The following FGR variants were observed in gnomAD, a reference collection of about 807,000 sequenced individuals.
FGR encodes FGR proto-oncogene, Src family tyrosine kinase.
A neutral mutation model predicts 63.2 loss-of-function variants in FGR; 26 were observed. The ratio of observed to expected loss-of-function variants is 0.41; its 90% CI spans 0.30 to 0.57. The LOEUF (loss-of-function observed/expected upper bound fraction) is 0.57. FGR is among the 20% of genes least tolerant of loss of function. FGR has a pLI of 0.27. For missense variants in FGR, 511 were observed against 690.8 expected (o/e 0.74, Z 2.92); for synonymous variants, 286 against 277.7 (o/e 1.03, Z -0.30).
At chr1:27,634,718 C>T (rs2090154456) in intron 1 of FGR, among the ~76,000 whole-genome samples, 1 of 152,012 alleles carries the variant, frequency 6.6e-6, no homozygotes, top group Non-Finnish European at 1.5e-5. Flanking sequence ...CCCAGACCGT[C>T]CTGGGGATTC....
At chr1:27,614,639 C>G in intron 10 of FGR, 56 bp from the exon 11 acceptor site, 4 of 1,593,370 alleles carry the variant, frequency 2.5e-6, no homozygotes, top group Non-Finnish European at 3.4e-6. Context: ...AACACCGTGG[C>G]CTGTTTGAGG....
At chr1:27,613,189 C>T (rs1407289649) in intron 12 of FGR, 30 bp downstream of exon 12, 1 of 1,610,512 alleles carries the variant, frequency 6.2e-7, no homozygotes, top group African/African-American at 1.3e-5. Flanking sequence ...GACCATCCCC[C>T]ACCCCAGCCC....
intron 1 of FGR, among the ~76,000 whole-genome samples, chr1:27,634,435 G>A (rs2090150237): frequency 6.6e-6 from 1 of 152,196 alleles, no homozygotes; most frequent in South Asian, 2.1e-4. Context: ...GGCGGGCCGA[G>A]AGGGTCGCGG....
At chr1:27,630,390 G>T (rs2148532168) in intron 1 of FGR, among the ~76,000 whole-genome samples, 1 of 152,260 alleles carries the variant, frequency 6.6e-6, no homozygotes, top group East Asian at 1.9e-4. Context: ...GCTATCATTA[G>T]TGTTAGTGTA....
At chr1:27,634,627 A>G (rs1173949045) in intron 1 of FGR, among the ~76,000 whole-genome samples, 1 of 104,570 alleles carries the variant, frequency 9.6e-6, no homozygotes, top group Non-Finnish European at 2.1e-5. Flanking sequence ...CAGCACCCCC[A>G]CCCATTTCCC....
rs1557735102 is a variant in FGR at position 27,623,104 on chromosome 1, C to T, written c.267G>A (p.Glu89=). Residue 89 remains glutamate, a synonymous_variant, in exon 4 of 13, where the codon GAG becomes GAA. Transcript: ENST00000374005. The part of the protein sequence containing the change: ...VTLFIALYDY[E]ARTEDDLTFT... ...AGGTGAGGTCATCCTCAGTTCGAGC[C>T]TCATAGTCATACAGGGCAATGAACA... The T allele has an allele frequency of 6.2e-7, 1 of 1,614,154 alleles. No homozygotes were observed. Among genetic ancestry groups the T allele is most frequent in the South Asian group, 1.1e-5 (1 of 91,084 alleles).
intron 11 of FGR, among the ~76,000 whole-genome samples, chr1:27,613,913 T>G (rs973453504): frequency 7.9e-5 from 12 of 152,136 alleles, no homozygotes; most frequent in Non-Finnish European, 1.3e-4. Context: ...CTTTCCTGTG[T>G]GCCAGACACT....
In FGR at chr1:27,615,317, A is replaced by G; in HGVS notation, c.1018+117T>C. 2 of 1,189,114 alleles carry G rather than the reference A, an allele frequency of 1.7e-6. No individual in the cohort carries two copies. Among genetic ancestry groups the G allele is most frequent in the Non-Finnish European group, 2.4e-6 (2 of 834,686 alleles). The allele number at this position is 1,189,114 out of a possible 1,614,324, so 73.7% of individuals were successfully genotyped here. ...AGTCGTTTTACACACCTGGTCCCTTAGTGGGACTCTGCCCATTGTCCCTTG... is the reference window on the plus strand; with the variant it reads ...AGTCGTTTTACACACCTGGTCCCTTGGTGGGACTCTGCCCATTGTCCCTTG... On this transcript the variant is annotated intron_variant, in intron 9 of 12. Coordinates refer to ENST00000374005, the MANE Select transcript of FGR (RefSeq NM_005248.3). The surrounding 1 kb of genome is among the most constrained non-coding windows in gnomAD (Gnocchi z 7.6).
Position 27,612,655 on chromosome 1 carries a change from G to T in FGR, c.*259C>A, listed in dbSNP as rs2089716629. On this transcript the variant is annotated 3_prime_UTR_variant, in exon 13 of 13. Coordinates refer to ENST00000374005, the MANE Select transcript of FGR (RefSeq NM_005248.3). ...TTTGGGTGGGGATGGAGTGAGAAAG[G>T]CTACAGGCATGTAGGGGCCTAAGTG... 2.1e-6 allele frequency: 1 copy of T among 472,890 alleles called. No homozygotes were observed. Among genetic ancestry groups the T allele is most frequent in the Non-Finnish European group, 3.8e-6 (1 of 261,002 alleles). 29.3% of individuals were successfully genotyped at this position (472,890 alleles called of 1,614,324 possible). A position where few individuals can be genotyped will look rare whatever the true frequency, so the allele number is the denominator to read the frequency against.
rs994911816 is a variant in FGR at position 27,615,534 on chromosome 1, C to T, written c.918G>A (p.Glu306=). ...GCCGCAGCAGCTTCATGACCTGCGC[C>T]TCCTCCAGGAAGGCCTTCGGGGACA... ...GTMSPKAFLE[E]AQVMKLLRHD... is the part of the protein sequence containing the mutation. Residue 306 remains glutamate, a synonymous_variant, in exon 9 of 13, where the codon GAG becomes GAA. Transcript: ENST00000374005. The surrounding 1 kb of genome is among the most constrained non-coding windows in gnomAD (Gnocchi z 7.6). 3 of 1,613,896 alleles carry T rather than the reference C, an allele frequency of 1.9e-6. No individual in the cohort carries two copies. The African/African-American group carries it at 4.0e-5, about 22-fold the overall frequency.
chr1:27,620,799 G>A (rs996214461), intron 5 of FGR, among the ~76,000 whole-genome samples: 1 of 150,858 alleles, frequency 6.6e-6, no homozygotes, highest in Non-Finnish European at 1.5e-5. Flanking sequence ...GCCAAGATGG[G>A]CGGATGGCTT....
chr1:27,615,880 G>T lies in FGR; in HGVS notation c.683-36C>A. On this transcript the variant is annotated intron_variant, in intron 7 of 12. Coordinates refer to ENST00000374005, the MANE Select transcript of FGR (RefSeq NM_005248.3). This position sits in a 1 kb window ranked among gnomAD's most constrained non-coding sequence, Gnocchi z 7.6. ...GGTCATGAAGTAGAGTCACAGGTGGGCCAGGACACCCCCCTCCACTCCTTA... is the reference window on the plus strand; with the variant it reads ...GGTCATGAAGTAGAGTCACAGGTGGTCCAGGACACCCCCCTCCACTCCTTA... 2.0e-6 allele frequency: 3 copies of T among 1,529,258 alleles called. No homozygotes were observed. Among genetic ancestry groups the T allele is most frequent in the East Asian group, 2.4e-5 (1 of 41,232 alleles). The allele number at this position is 1,529,258 out of a possible 1,614,324, so 94.7% of individuals were successfully genotyped here.
rs2089724288 is a variant in FGR at position 27,613,004 on chromosome 1, C to T, written c.1500G>A (p.Glu500=). The change falls in exon 13 of 13, where the codon GAG becomes GAA. Residue 500 remains glutamate, a synonymous_variant. Transcript: ENST00000374005. ...AMEQTWRLDP[E]ERPTFEYLQS... ...GCAGGTACTCGAAGGTAGGCCTCTC[C>T]TCCGGGTCCAGACGCCAGGTCTGTT... 1.2e-6 allele frequency: 2 copies of T among 1,614,124 alleles called. No individual in the cohort carries two copies. The highest frequency in any genetic ancestry group is 2.2e-5 in the East Asian group (1 of 44,898).
At chr1:27,626,842 A>G (rs893494106) in intron 1 of FGR, among the ~76,000 whole-genome samples, 1 of 151,970 alleles carries the variant, frequency 6.6e-6, no homozygotes, top group African/African-American at 2.4e-5. Context: ...GATTTCAGGA[A>G]CTGGTGAAAA....
chr1:27,621,206 A>G, intron 5 of FGR, among the ~76,000 whole-genome samples: 1 of 152,068 alleles, frequency 6.6e-6, no homozygotes, highest in East Asian at 1.9e-4. Context: ...AATGCAGCCC[A>G]ACTATCTGGG....
At position 27,617,489 on chromosome 1, in the gene FGR, T is replaced by A. The variant is rs1292089; in HGVS notation, c.429-193A>T. Among the ~76,000 whole-genome samples the A allele has an allele frequency of 0.93, 141,815 of 152,250 alleles. 66,121 individuals carry two copies. Among genetic ancestry groups the A allele is most frequent in the African/African-American group, 0.97 (40,351 of 41,528 alleles). ...AATGCCTGGCACACAGTAGGTGCCC[T>A]GCAAAGGTTAGCATCTCTTCTCGTT... On this transcript the variant is annotated intron_variant, in intron 5 of 12. Transcript: ENST00000374005. This position sits in a 1 kb window ranked among gnomAD's most constrained non-coding sequence, Gnocchi z 4.5.
intron 1 of FGR, among the ~76,000 whole-genome samples, chr1:27,630,492 A>G (rs1013960467): frequency 6.6e-6 from 1 of 152,118 alleles, no homozygotes; most frequent in African/African-American, 2.4e-5. Flanking sequence ...TGTGTCTCTT[A>G]AGGAGCACCT....
intron 3 of FGR, 133 bp from the exon 4 acceptor site, chr1:27,623,277 T>C (rs190299856): frequency 4.5e-6 from 3 of 662,906 alleles, no homozygotes; most frequent in African/African-American, 1.8e-5. Context: ...CCAAAGGCCT[T>C]TGGGGTCCAA....
At position 27,616,259 on chromosome 1, in the gene FGR, G is replaced by A. The variant is rs2089810508; in HGVS notation, c.683-415C>T. 6.6e-6 allele frequency among the ~76,000 whole-genome samples: 1 copy of A among 152,198 alleles called. No individual in the cohort carries two copies. Among genetic ancestry groups the A allele is most frequent in the African/African-American group, 2.4e-5 (1 of 41,448 alleles). Reference sequence around the variant, plus strand: ...GGCAGAAACGTGGGCATTGACTCCTGCCTTCCCTTCACCCCCACAGCCAAT... The same window carrying A: ...GGCAGAAACGTGGGCATTGACTCCTACCTTCCCTTCACCCCCACAGCCAAT... On this transcript the variant is annotated intron_variant, in intron 7 of 12. Transcript: ENST00000374005. This position sits in a 1 kb window ranked among gnomAD's most constrained non-coding sequence, Gnocchi z 4.3.
Sources: gnomAD v4.1 joint callset for allele counts (sites outside exome capture counted in the v4.1 genomes callset) on GRCh38, gnomAD v4.1.1 for gene constraint, Gnocchi (gnomAD v3.1) non-coding constraint, MANE v1.5 for transcripts, NCBI Gene and HGNC (gene_info 2026-07-23, HGNC 2026-07-21) for gene names.